DMAC1: variants seen among roughly 807,000 people sequenced by gnomAD.
DMAC1 encodes the protein distal membrane-arm assembly complex protein 1.
Under a neutral mutation model 7.0 loss-of-function variants are expected in DMAC1, and 10 were observed. That is an observed-to-expected ratio of 1.43 (90% CI 0.88 to 2.43). The LOEUF is 2.43. DMAC1 is among the 30% of genes most tolerant of loss of function. DMAC1 has a pLI of 0.00. For synonymous variants in DMAC1, 92 were observed against 66.2 expected, an observed-to-expected ratio of 1.39 and a Z score of -1.90; for missense variants, 219 against 158.7, an observed-to-expected ratio of 1.38 and a Z score of -2.04.
At position 7,797,122 on chromosome 9, in the gene DMAC1, C is replaced by A. The variant is rs995076904; in HGVS notation, c.*1451G>T. The A allele has an allele frequency of 2.0e-5, 3 of 152,222 alleles. No individual in the cohort carries two copies. The highest frequency in any genetic ancestry group is 4.8e-5 in the African/African-American group (2 of 41,470). 9.4% of individuals were successfully genotyped at this position (152,222 alleles called of 1,614,324 possible). A position where few individuals can be genotyped will look rare whatever the true frequency, so the allele number is the denominator to read the frequency against. ...TAAAGCAGTCCATCAATAGAACAGACTGCCTTTTAAACCAGGGAACAACTT... is the reference window on the plus strand; with the variant it reads ...TAAAGCAGTCCATCAATAGAACAGAATGCCTTTTAAACCAGGGAACAACTT... On this transcript the variant is annotated 3_prime_UTR_variant, in exon 2 of 2. Coordinates refer to ENST00000358227, the MANE Select transcript of DMAC1 (RefSeq NM_033428.3).
At chr9:7,799,376 GCCTCC>G (rs2129804096) in intron 1 of DMAC1, 80 bp downstream of exon 1, 20 of 1,486,962 alleles carry the variant, frequency 1.3e-5, no homozygotes, top group Middle Eastern at 5.1e-4. Flanking sequence ...CCGCCTCCCC[GCCTCC>G]CCGCCCACGT....
chr9:7,798,222 T>G lies in DMAC1; in HGVS notation c.*351A>C, dbSNP rs1818655593. The G allele has an allele frequency of 5.9e-6, 1 of 168,490 alleles. No individual in the cohort carries two copies. The highest frequency in any genetic ancestry group is 1.8e-4 in the South Asian group (1 of 5,548). The allele number at this position is 168,490 out of a possible 1,614,324, so 10.4% of individuals were successfully genotyped here. On this transcript the variant is annotated 3_prime_UTR_variant, in exon 2 of 2. Transcript: ENST00000358227. ...TATAACTAAACATATTTATGTTTATTATATATAATATGACATGCAATTATA... is the reference window on the plus strand; with the variant it reads ...TATAACTAAACATATTTATGTTTATGATATATAATATGACATGCAATTATA...
chr9:7,799,346 A>G, intron 1 of DMAC1, 115 bp downstream of exon 1: 2 of 1,401,198 alleles, frequency 1.4e-6, no homozygotes, highest in South Asian at 1.3e-5. Flanking sequence ...TGCCCCCACC[A>G]CCTGACCAGC....
rs143442741 is a variant in DMAC1, at chr9:7,798,578, C to G, written c.334G>C (p.Val112Leu). Residue 112 changes from valine to leucine, a missense_variant, in exon 2 of 2, where the codon GTT (valine) becomes CTT (leucine). By Grantham distance (32) the Val-to-Leu change is conservative. Coordinates refer to ENST00000358227, the MANE Select transcript of DMAC1 (RefSeq NM_033428.3). ...CAGATTCACTGGTGGTACTTTCAAA[C>G]AACGCGGTAGGCCTTCCCTTTGGGG... ...ADPKGKAYRV[V>L] 43 of 1,613,392 alleles carry G rather than the reference C, an allele frequency of 2.7e-5. No individual in the cohort carries two copies. Among genetic ancestry groups the G allele is most frequent in the African/African-American group, 8.0e-5 (6 of 74,910 alleles).
intron 1 of DMAC1, among the ~76,000 whole-genome samples, chr9:7,799,216 C>A (rs181803001): frequency 6.6e-6 from 1 of 151,794 alleles, no homozygotes; most frequent in African/African-American, 2.4e-5. Context: ...CTACTTCTAA[C>A]AGCTATTCTG....
intron 1 of DMAC1, 93 bp from the exon 2 acceptor site, chr9:7,798,730 C>G: frequency 2.0e-6 from 2 of 1,023,746 alleles, no homozygotes; most frequent in East Asian, 2.5e-5. Context: ...CCTCACAACA[C>G]TTCTGGAGGA....
Position 7,798,546 on chromosome 9 carries a change from C to A in DMAC1, c.*27G>T, listed in dbSNP as rs200697624. 5.0e-6 allele frequency: 8 copies of A among 1,613,534 alleles called. No homozygotes were observed. The East Asian group carries it at 1.6e-4, about 31-fold the overall frequency. ...TGTGTCACGGGGAAAGGGACAGAGA[C>A]AGAAGACAGATTCACTGGTGGTACT... On this transcript the variant is annotated 3_prime_UTR_variant, in exon 2 of 2. Coordinates refer to ENST00000358227, the MANE Select transcript of DMAC1 (RefSeq NM_033428.3).
In DMAC1 at chr9:7,799,578, G is replaced by A. The variant is rs764274268; in HGVS notation, c.157C>T (p.Leu53Phe). 1.9e-6 allele frequency: 3 copies of A among 1,613,592 alleles called. No individual in the cohort carries two copies. Among genetic ancestry groups the A allele is most frequent in the Non-Finnish European group, 2.5e-6 (3 of 1,179,930 alleles). ...LLKTCWSCRV[L>F]SGLGLMGAGG... ...GCCCCCATCAGCCCCAACCCAGAAA[G>A]CACGCGACAGCTCCAGCAGGTCTTC... Residue 53 changes from leucine (L) to phenylalanine (F), a missense_variant, in exon 1 of 2, where the codon CTT becomes TTT. Transcript: ENST00000358227.
In DMAC1 at chr9:7,797,047, C is replaced by T. The variant is rs1287122324; in HGVS notation, c.*1526G>A. On this transcript the variant is annotated 3_prime_UTR_variant, in exon 2 of 2. Transcript: ENST00000358227. ...TTTACCCAGTAGATCAAGCCAAGAC[C>T]AAGTTAGGTTTATGTGTTTTTGGTT... The T allele has an allele frequency of 1.3e-5, 2 of 152,102 alleles. No homozygotes were observed. Among genetic ancestry groups the T allele is most frequent in the Non-Finnish European group, 2.9e-5 (2 of 68,024 alleles). 9.4% of individuals were successfully genotyped at this position (152,102 alleles called of 1,614,324 possible).
Position 7,796,938 on chromosome 9 carries a change from C to G in DMAC1, c.*1635G>C, listed in dbSNP as rs1472607995. 4.0e-5 allele frequency: 6 copies of G among 151,272 alleles called. No homozygotes were observed. The East Asian group carries it at 1.2e-3, about 29-fold the overall frequency. The allele number at this position is 151,272 out of a possible 1,614,324, so 9.4% of individuals were successfully genotyped here. On this transcript the variant is annotated 3_prime_UTR_variant, in exon 2 of 2. Coordinates refer to ENST00000358227, the MANE Select transcript of DMAC1 (RefSeq NM_033428.3). ...AGTTTTTGAGGAGTCAGGTTATATG[C>G]AGATTCTCCACTGAGCAAATGTTCA...
At chr9:7,798,661 T>G (rs1270253490) in intron 1 of DMAC1, 24 bp from the exon 2 acceptor site, 3 of 1,527,856 alleles carry the variant, frequency 2.0e-6, no homozygotes, top group South Asian at 2.6e-5. Flanking sequence ...AACAATACCT[T>G]ACCTTTATGC....
intron 1 of DMAC1, among the ~76,000 whole-genome samples, 153 bp from the exon 2 acceptor site, chr9:7,798,790 A>G (rs1034391066): frequency 2.7e-5 from 4 of 150,308 alleles, no homozygotes; most frequent in Non-Finnish European, 2.9e-5. Context: ...ACAGAAAAAG[A>G]AAAAAAAATC....
chr9:7,798,805 A>G (rs1818674211), intron 1 of DMAC1, among the ~76,000 whole-genome samples, 168 bp from the exon 2 acceptor site: 2 of 152,174 alleles, frequency 1.3e-5, no homozygotes, highest in Non-Finnish European at 2.9e-5. Context: ...AAAATCAGGA[A>G]AAAAAAGAAT....
intron 1 of DMAC1, 88 bp from the exon 2 acceptor site, chr9:7,798,725 C>A: frequency 9.0e-7 from 1 of 1,110,496 alleles, no homozygotes; most frequent in Non-Finnish European, 1.3e-6. Context: ...TTAACCCTCA[C>A]AACACTTCTG....
In DMAC1 at chr9:7,798,438, A is replaced by C; in HGVS notation, c.*135T>G. On this transcript the variant is annotated 3_prime_UTR_variant, in exon 2 of 2. Coordinates refer to ENST00000358227, the MANE Select transcript of DMAC1 (RefSeq NM_033428.3). Reference sequence around the variant, plus strand: ...AATGACAACATACGATTTTCTTCTCAGTCTTGTAGTATCCACAGTAGTGAT... The same window carrying C: ...AATGACAACATACGATTTTCTTCTCCGTCTTGTAGTATCCACAGTAGTGAT... 1.0e-6 allele frequency: 1 copy of C among 977,422 alleles called. No individual in the cohort carries two copies. Among genetic ancestry groups the C allele is most frequent in the Non-Finnish European group, 1.6e-6 (1 of 611,952 alleles). The allele number at this position is 977,422 out of a possible 1,614,324, so 60.5% of individuals were successfully genotyped here. A position where few individuals can be genotyped will look rare whatever the true frequency, so the allele number is the denominator to read the frequency against.
rs1316217091 is a variant in DMAC1, at chr9:7,798,195, T to G, written c.*378A>C. ...TAAAAGTTTTAAAAATTATACTAAC[T>G]ATATAACTAAACATATTTATGTTTA... is the stretch of plus-strand genomic sequence containing the variant. On this transcript the variant is annotated 3_prime_UTR_variant, in exon 2 of 2. Transcript: ENST00000358227. 6.3e-6 allele frequency: 1 copy of G among 157,540 alleles called. No homozygotes were observed. Among genetic ancestry groups the G allele is most frequent in the African/African-American group, 2.4e-5 (1 of 41,590 alleles). 9.8% of individuals were successfully genotyped at this position (157,540 alleles called of 1,614,324 possible). A position where few individuals can be genotyped will look rare whatever the true frequency, so the allele number is the denominator to read the frequency against.
intron 1 of DMAC1, 76 bp downstream of exon 1, chr9:7,799,385 C>A: frequency 7.2e-7 from 1 of 1,385,036 alleles, no homozygotes; most frequent in Non-Finnish European, 9.8e-7. Context: ...CGCCTCCCCG[C>A]CCACGTGGCT....
Position 7,797,796 on chromosome 9 carries a change from G to A in DMAC1, c.*777C>T, listed in dbSNP as rs1034990565. ...TATGATTATCTAACTGTTTCATAAT[G>A]GTTATTCTTGCCTCCATGAAAGGGA... is the stretch of plus-strand genomic sequence containing the variant. On this transcript the variant is annotated 3_prime_UTR_variant, in exon 2 of 2. Transcript: ENST00000358227. 14 of 151,908 alleles carry A rather than the reference G, an allele frequency of 9.2e-5. No individual in the cohort carries two copies. The highest frequency in any genetic ancestry group is 2.1e-4 in the Non-Finnish European group (14 of 67,964). 9.4% of individuals were successfully genotyped at this position (151,908 alleles called of 1,614,324 possible).
At chr9:7,798,731 T>C (rs1818672541) in intron 1 of DMAC1, 94 bp from the exon 2 acceptor site, 1 of 1,003,880 alleles carries the variant, frequency 1.0e-6, no homozygotes, top group Non-Finnish European at 1.4e-6. Context: ...CTCACAACAC[T>C]TCTGGAGGAT....
Sources: allele counts gnomAD v4.1 joint callset (sites outside exome capture counted in the v4.1 genomes callset), GRCh38; gene constraint gnomAD v4.1.1; transcripts MANE v1.5; gene names NCBI Gene and HGNC (gene_info 2026-07-23, HGNC 2026-07-21).